The following TEKT5 variants were observed in gnomAD, a reference collection of about 807,000 sequenced individuals.
TEKT5 encodes tektin 5, also known as tektin-5.
TEKT5 carries 52 observed loss-of-function variants against 48.7 expected under a neutral mutation model. That is an observed-to-expected ratio of 1.07 (90% CI 0.86 to 1.35). The LOEUF (loss-of-function observed/expected upper bound fraction) is 1.35, where lower values mean the gene tolerates loss of function less well. Among genes scored for constraint, TEKT5 ranks in the 40% most tolerant of loss-of-function variants. The pLI is 0.00. For synonymous variants in TEKT5, 318 were observed against 267.6 expected (o/e 1.19, Z -1.84); for missense variants, 831 against 641.6 (o/e 1.30, Z -3.19).
At chr16:10,674,730 G>A (rs192495129) in intron 5 of TEKT5, among the ~76,000 whole-genome samples, 5 of 151,694 alleles carry the variant, frequency 3.3e-5, no homozygotes, top group Admixed American at 2.0e-4. Context: ...AGATGTAGGT[G>A]GGCTGAAACT....
chr16:10,633,495 G>A (rs1897869552), intron 6 of TEKT5, among the ~76,000 whole-genome samples: 1 of 152,110 alleles, frequency 6.6e-6, no homozygotes, highest in Admixed American at 6.6e-5. Context: ...CCACTCTCCT[G>A]CACCCAGGAC....
At position 10,694,421 on chromosome 16, in the gene TEKT5, C is replaced by A; in HGVS notation, c.453G>T (p.Trp151Cys). The change falls in exon 1 of 7, where the codon TGG (tryptophan) becomes TGT (cysteine). Residue 151 changes from tryptophan (W) to cysteine (C), a missense_variant. Transcript: ENST00000283025. Reference sequence around the variant, plus strand: ...CCAGCTCATAGCTCAGCTCTGACTTCCAGAAGCCAATGTCCGACAGCCTCT... The same window carrying A: ...CCAGCTCATAGCTCAGCTCTGACTTACAGAAGCCAATGTCCGACAGCCTCT... ...LGQRLSDIGF[W>C]KSELSYELDR... The A allele has an allele frequency of 6.2e-7, 1 of 1,614,194 alleles. No homozygotes were observed. The highest frequency in any genetic ancestry group is 8.5e-7 in the Non-Finnish European group (1 of 1,180,044).
intron 1 of TEKT5, among the ~76,000 whole-genome samples, chr16:10,691,679 T>C (rs568731400): frequency 6.6e-4 from 100 of 152,228 alleles, no homozygotes; most frequent in Admixed American, 1.4e-3. Context: ...CCAGACACGG[T>C]GGCTCACGCC....
At chr16:10,652,001 G>A (rs955490586) in intron 5 of TEKT5, among the ~76,000 whole-genome samples, 4 of 152,106 alleles carry the variant, frequency 2.6e-5, no homozygotes, top group South Asian at 2.1e-4. Flanking sequence ...ATTGGCACCA[G>A]ACTATCTAAA....
intron 3 of TEKT5, among the ~76,000 whole-genome samples, chr16:10,686,690 T>G (rs1898867135): frequency 6.6e-6 from 1 of 152,108 alleles, no homozygotes; most frequent in Non-Finnish European, 1.5e-5. Context: ...GAGAAGATAT[T>G]TGCAAACTAC....
chr16:10,628,133 A>G (rs1897782241), intron 6 of TEKT5, among the ~76,000 whole-genome samples: 1 of 152,182 alleles, frequency 6.6e-6, no homozygotes, highest in African/African-American at 2.4e-5. Flanking sequence ...AGCATGAGCT[A>G]TGGTGCCCGA....
rs1459229597 is a variant in TEKT5 at position 10,682,218 on chromosome 16, A to T, written c.720-82T>A. ...GGGCCACACAGCAGGTGTGTGTTGC[A>T]AGCCCTGGACTCCCAGAAAGCCACC... On this transcript the variant is annotated intron_variant, in intron 3 of 6. Transcript: ENST00000283025. 8 of 1,520,578 alleles carry T rather than the reference A, an allele frequency of 5.3e-6. No individual in the cohort carries two copies. In the African/African-American group the frequency reaches 9.6e-5, roughly 18 times the overall value. 94.2% of individuals were successfully genotyped at this position (1,520,578 alleles called of 1,614,324 possible). A position where few individuals can be genotyped will look rare whatever the true frequency, so the allele number is the denominator to read the frequency against.
chr16:10,677,661 T>C (rs970884929), intron 4 of TEKT5, among the ~76,000 whole-genome samples: 9 of 149,512 alleles, frequency 6.0e-5, no homozygotes, highest in Admixed American at 2.0e-4. Context: ...ATCCCAGCTG[T>C]AAAGGGCAAG....
In TEKT5 at chr16:10,652,660, C is replaced by T. The variant is rs1394555213; in HGVS notation, c.1087-16742G>A. ...CACACACCCTCCAGGCCAAGTAGAG[C>T]GATCCCTTATATACACAGGCAGACA... On this transcript the variant is annotated intron_variant, in intron 5 of 6. Transcript: ENST00000283025. 9.7e-5 allele frequency among the ~76,000 whole-genome samples: 6 copies of T among 61,900 alleles called. 1 individual carries two copies. Among genetic ancestry groups the T allele is most frequent in the Non-Finnish European group, 1.6e-4 (6 of 37,384 alleles). The allele number at this position is 61,900 out of a possible 152,430, so 40.6% of individuals were successfully genotyped here.
intron 5 of TEKT5, among the ~76,000 whole-genome samples, chr16:10,652,870 C>CACACACACA (rs1898191885): frequency 1.1e-5 from 1 of 88,704 alleles, no homozygotes; most frequent in African/African-American, 5.7e-5. Context: ...CACACACACA[C>CACACACACA]CCTCCAGGTC....
chr16:10,633,395 C>G (rs1286799812), intron 6 of TEKT5, among the ~76,000 whole-genome samples: 2 of 152,062 alleles, frequency 1.3e-5, no homozygotes, highest in East Asian at 3.9e-4. Flanking sequence ...AAGGGATCAC[C>G]TGAGCCCTCC....
Position 10,676,135 on chromosome 16 carries a change from T to G in TEKT5, c.910A>C (p.Lys304Gln), listed in dbSNP as rs1160125887. 6.2e-7 allele frequency: 1 copy of G among 1,614,188 alleles called. No individual in the cohort carries two copies. The highest frequency in any genetic ancestry group is 2.2e-5 in the East Asian group (1 of 44,880). Reference sequence around the variant, plus strand: ...TTGGCCCGCATGTTCTGAGAGTGTTTGATGTTGTCGTTACTGAACTTGGCC... The same window carrying G: ...TTGGCCCGCATGTTCTGAGAGTGTTGGATGTTGTCGTTACTGAACTTGGCC... Reference protein sequence around the residue: ...TWAKFSNDNIKHSQNMRANSI... With the variant: ...TWAKFSNDNIQHSQNMRANSI... Residue 304 changes from lysine to glutamine, a missense_variant, in exon 5 of 7, where the codon AAA becomes CAA. Coordinates refer to ENST00000283025, the MANE Select transcript of TEKT5 (RefSeq NM_144674.2).
At chr16:10,673,816 G>A (rs1898593171) in intron 5 of TEKT5, among the ~76,000 whole-genome samples, 1 of 151,504 alleles carries the variant, frequency 6.6e-6, no homozygotes, top group African/African-American at 2.4e-5. Flanking sequence ...ATGCCCAGCT[G>A]ATTTTTTGTA....
At position 10,627,587 on chromosome 16, in the gene TEKT5, G is replaced by A; in HGVS notation, c.1454C>T (p.Thr485Ile). ...AATGAGGCGCCAGGGCGGTGCTCAG[G>A]TGTGGCCCACCAGGCGCGGGGTGCA... is the stretch of plus-strand genomic sequence containing the variant. ...FPCTPRLVGHT is the reference protein window; with the variant it reads ...FPCTPRLVGHI Residue 485 changes from threonine to isoleucine, a missense_variant, in exon 7 of 7, where the codon ACC (threonine) becomes ATC (isoleucine). Transcript: ENST00000283025. 6.2e-7 allele frequency: 1 copy of A among 1,614,098 alleles called. No individual in the cohort carries two copies. The highest frequency in any genetic ancestry group is 1.1e-5 in the South Asian group (1 of 91,084).
intron 1 of TEKT5, chr16:10,691,412 G>A (rs1488626394): frequency 1.3e-5 from 2 of 152,624 alleles, no homozygotes; most frequent in African/African-American, 2.4e-5. Context: ...GAGTGGGTGA[G>A]GAGTAACCAG....
intron 5 of TEKT5, among the ~76,000 whole-genome samples, chr16:10,649,461 A>G (rs1898119899): frequency 6.8e-6 from 1 of 147,454 alleles, no homozygotes; most frequent in Non-Finnish European, 1.5e-5. Context: ...TTTTTAACAC[A>G]GGTTCTCTGT....
At chr16:10,629,307 G>A (rs1197788648) in intron 6 of TEKT5, among the ~76,000 whole-genome samples, 1 of 151,554 alleles carries the variant, frequency 6.6e-6, no homozygotes, top group African/African-American at 2.4e-5. Context: ...CTGGAGTGCA[G>A]TGGTGCAATC....
At chr16:10,657,741 C>T (rs1898286427) in intron 5 of TEKT5, among the ~76,000 whole-genome samples, 1 of 151,302 alleles carries the variant, frequency 6.6e-6, no homozygotes. Flanking sequence ...AGGCGCCCAC[C>T]ACTACGCCAA....
intron 4 of TEKT5, among the ~76,000 whole-genome samples, chr16:10,679,474 G>A (rs564486024): frequency 2.7e-5 from 4 of 150,560 alleles, no homozygotes; most frequent in Middle Eastern, 3.4e-3. Context: ...AAAAAAAGGT[G>A]TCTACTGCCA....
Sources: gnomAD v4.1 joint callset for allele counts (sites outside exome capture counted in the v4.1 genomes callset) on GRCh38, gnomAD v4.1.1 for gene constraint, MANE v1.5 for transcripts, NCBI Gene and HGNC (gene_info 2026-07-23, HGNC 2026-07-21) for gene names.